Variants in OLA1 observed in about 807,000 individuals in gnomAD.
The protein encoded by OLA1 is Obg like ATPase 1.
In OLA1, 14 loss-of-function variants were observed where a neutral mutation model predicts 48.4. That is an observed-to-expected ratio of 0.29 (90% CI 0.19 to 0.45). The LOEUF (loss-of-function observed/expected upper bound fraction) is 0.45, where lower values mean the gene tolerates loss of function less well. Ranked by LOEUF, OLA1 falls within the 20% of genes least tolerant of loss-of-function variation. The probability of loss-of-function intolerance (pLI) is 1.00; values close to 1 mark genes in which losing one functional copy is unlikely to be tolerated. For missense variants in OLA1, 325 were observed against 467.1 expected (o/e 0.70, Z 2.80); for synonymous variants, 127 against 150.4 (o/e 0.84, Z 1.14).
chr2:174,107,699 T>A (rs1174672500), intron 7 of OLA1, among the ~76,000 whole-genome samples: 1 of 152,132 alleles, frequency 6.6e-6, no homozygotes, highest in Non-Finnish European at 1.5e-5. Flanking sequence ...ATATTTGTAT[T>A]GGATCCTAAA....
intron 2 of OLA1, among the ~76,000 whole-genome samples, chr2:174,233,099 C>T (rs1217439849): frequency 5.3e-5 from 8 of 152,070 alleles, no homozygotes; most frequent in East Asian, 3.9e-4. Flanking sequence ...ATAAGCTAGT[C>T]GCAAAAGTAT....
chr2:174,117,012 A>AATCCTCTAATTTAATGGAAGC (rs1288827558), intron 7 of OLA1, among the ~76,000 whole-genome samples: 8 of 152,358 alleles, frequency 5.3e-5, no homozygotes, highest in African/African-American at 7.2e-5. Context: ...GCCAAGGGTG[A>AATCCTCTAATTTAATGGAAGC]CAATAAAATC....
In OLA1 at chr2:174,149,118, A is replaced by G. The variant is rs1400650590; in HGVS notation, c.374-7118T>C. On this transcript the variant is annotated intron_variant, in intron 4 of 10. Transcript: ENST00000284719. ...ACTTTTTCCGCCTATTTACAACTCAACCCACTATAGTCTGACATATGCCAG... is the reference window on the plus strand; with the variant it reads ...ACTTTTTCCGCCTATTTACAACTCAGCCCACTATAGTCTGACATATGCCAG... Among the ~76,000 whole-genome samples the G allele has an allele frequency of 2.0e-5, 3 of 152,076 alleles. No individual in the cohort carries two copies. The East Asian group carries it at 5.8e-4, about 29-fold the overall frequency.
intron 4 of OLA1, among the ~76,000 whole-genome samples, chr2:174,207,872 G>A (rs1479711633): frequency 3.3e-5 from 5 of 152,134 alleles, no homozygotes; most frequent in Non-Finnish European, 2.9e-5. Flanking sequence ...ACACAGGTTT[G>A]AACTGCACAG....
At chr2:174,116,379 G>A (rs1184070480) in intron 7 of OLA1, among the ~76,000 whole-genome samples, 1 of 152,096 alleles carries the variant, frequency 6.6e-6, no homozygotes, top group Non-Finnish European at 1.5e-5. Context: ...ATGCTTTCTA[G>A]GTCAATTTAG....
At chr2:174,130,993 CCAAAAT>C (rs1309305237) in intron 5 of OLA1, among the ~76,000 whole-genome samples, 1 of 151,932 alleles carries the variant, frequency 6.6e-6, no homozygotes, top group Non-Finnish European at 1.5e-5. Flanking sequence ...TTTAATGAAA[CCAAAAT>C]CAAAGTAGGA....
chr2:174,100,983 G>C (rs888484260), intron 7 of OLA1, among the ~76,000 whole-genome samples: 2 of 152,146 alleles, frequency 1.3e-5, no homozygotes, highest in African/African-American at 4.8e-5. Flanking sequence ...CTGCTACTCT[G>C]TGTAGTAAAT....
chr2:174,241,259 T>G (rs888771283), intron 2 of OLA1, among the ~76,000 whole-genome samples: 8 of 152,168 alleles, frequency 5.3e-5, no homozygotes, highest in Non-Finnish European at 2.9e-5. Context: ...GGGATCCCAA[T>G]GAGACTGGCA....
intron 9 of OLA1, 125 bp downstream of exon 9, chr2:174,081,027 T>G (rs1684841840): frequency 1.3e-6 from 1 of 747,048 alleles, no homozygotes; most frequent in African/African-American, 1.8e-5. Context: ...AAAGTTATCC[T>G]GGACAAAAAC....
intron 1 of OLA1, chr2:174,247,694 G>C (rs1286906338): frequency 5.8e-6 from 9 of 1,551,026 alleles, no homozygotes; most frequent in Non-Finnish European, 7.8e-6. Flanking sequence ...CTTCCACCAA[G>C]TCCCTCCCAC....
chr2:174,139,013 AT>A (rs1436448198), intron 5 of OLA1, among the ~76,000 whole-genome samples: 4 of 152,144 alleles, frequency 2.6e-5, no homozygotes, highest in Admixed American at 6.5e-5. Context: ...TCCTAACTTC[AT>A]TTTTCAAATT....
At chr2:174,078,856 CTTTA>C in intron 10 of OLA1, 108 bp downstream of exon 10, 1 of 1,113,870 alleles carries the variant, frequency 9.0e-7, no homozygotes, top group Non-Finnish European at 1.3e-6. Flanking sequence ...CATCTTATTA[CTTTA>C]TTTTAGACTA....
Position 174,081,915 on chromosome 2 carries a change from C to A in OLA1, c.869+9G>T, listed in dbSNP as rs1167933908. On this transcript the variant is annotated intron_variant, in intron 8 of 10. Coordinates refer to ENST00000284719, the MANE Select transcript of OLA1 (RefSeq NM_013341.5). ...TAATAAAGTGTAGGGAAAATGAATG[C>A]TAATTAACCTTTGTGTCATGTTCGC... 1.2e-6 allele frequency: 2 copies of A among 1,609,824 alleles called. No homozygotes were observed.
At chr2:174,153,474 C>T (rs1175956262) in intron 4 of OLA1, among the ~76,000 whole-genome samples, 1 of 152,148 alleles carries the variant, frequency 6.6e-6, no homozygotes, top group Non-Finnish European at 1.5e-5. Context: ...AAAAAGCCTT[C>T]TGGTTATCAC....
rs1225655441 is a variant in OLA1 at position 174,074,798 on chromosome 2, A to G, written c.*628T>C. Reference sequence around the variant, plus strand: ...TCAATAAATGTTGATCTATAAATTAATTAACTTTTTTGAGACAAATCCCTG... The same window carrying G: ...TCAATAAATGTTGATCTATAAATTAGTTAACTTTTTTGAGACAAATCCCTG... On this transcript the variant is annotated 3_prime_UTR_variant, in exon 11 of 11. Transcript: ENST00000284719. 6.6e-6 allele frequency: 1 copy of G among 152,592 alleles called. No individual in the cohort carries two copies. The highest frequency in any genetic ancestry group is 2.4e-5 in the African/African-American group (1 of 41,430). The allele number at this position is 152,592 out of a possible 1,614,324, so 9.5% of individuals were successfully genotyped here.
intron 5 of OLA1, among the ~76,000 whole-genome samples, chr2:174,134,548 T>A (rs944349950): frequency 6.6e-6 from 1 of 152,220 alleles, no homozygotes; most frequent in Admixed American, 6.5e-5. Context: ...TTGTCATGTA[T>A]TTTAACTGAA....
chr2:174,225,448 G>C (rs1312092774), intron 3 of OLA1, among the ~76,000 whole-genome samples: 1 of 152,148 alleles, frequency 6.6e-6, no homozygotes, highest in Non-Finnish European at 1.5e-5. Context: ...TACTCAGGAG[G>C]CTGGGGCAGG....
At chr2:174,093,823 G>A (rs535640472) in intron 7 of OLA1, among the ~76,000 whole-genome samples, 4 of 152,334 alleles carry the variant, frequency 2.6e-5, no homozygotes, top group South Asian at 2.1e-4. Context: ...CCATGAGGCC[G>A]CAGGATAAAC....
At chr2:174,192,004 C>G (rs1349206861) in intron 4 of OLA1, among the ~76,000 whole-genome samples, 1 of 152,116 alleles carries the variant, frequency 6.6e-6, no homozygotes, top group East Asian at 1.9e-4. Context: ...TAAAATCTAC[C>G]ATCTTGCTAG....
Sources: gnomAD v4.1 joint callset for allele counts (sites outside exome capture counted in the v4.1 genomes callset) on GRCh38, gnomAD v4.1.1 for gene constraint, MANE v1.5 for transcripts, NCBI Gene and HGNC (gene_info 2026-07-23, HGNC 2026-07-21) for gene names.